Variants in CACNA1H observed in about 807,000 individuals in gnomAD.
CACNA1H encodes voltage-dependent T-type calcium channel subunit alpha-1H.
In CACNA1H, 149 loss-of-function variants were observed where a neutral mutation model predicts 192.5. The ratio of observed to expected loss-of-function variants is 0.77; its 90% CI spans 0.68 to 0.89. The LOEUF is 0.89. Ranked by LOEUF, CACNA1H falls within the 40% of genes least tolerant of loss-of-function variation. The pLI is 0.00. For missense variants in CACNA1H, 4,257 were observed against 3,423.5 expected, an observed-to-expected ratio of 1.24 and a Z score of -6.08; for synonymous variants, 2,202 against 1,475.2, an observed-to-expected ratio of 1.49 and a Z score of -11.29.
chr16:1,171,286 C>T (rs1006697907), intron 2 of CACNA1H, among the ~76,000 whole-genome samples: 21 of 152,132 alleles, frequency 1.4e-4, no homozygotes, highest in Admixed American at 1.2e-3. Flanking sequence ...GCGGGCTGGG[C>T]GTCTGGGGGG....
At chr16:1,203,960 G>A (rs751880254) in intron 9 of CACNA1H, 50 bp from the exon 10 acceptor site, 3 of 1,394,140 alleles carry the variant, frequency 2.2e-6, no homozygotes, top group Admixed American at 4.8e-5. Context: ...CCGGGCCCTT[G>A]TGGCAGCACC....
At chr16:1,201,553 A>G in intron 8 of CACNA1H, 110 bp from the exon 9 acceptor site, 1 of 1,330,604 alleles carries the variant, frequency 7.5e-7, no homozygotes, top group South Asian at 1.5e-5. Flanking sequence ...CACCTCGCCC[A>G]CTGTGCCTGT....
intron 26 of CACNA1H, among the ~76,000 whole-genome samples, chr16:1,212,973 G>A (rs931718752): frequency 1.3e-5 from 2 of 152,254 alleles, no homozygotes; most frequent in South Asian, 4.1e-4. Context: ...GTCCCCACCC[G>A]TGTGTGGTTC....
chr16:1,182,883 G>A (rs577631946), intron 2 of CACNA1H, among the ~76,000 whole-genome samples: 229 of 152,216 alleles, frequency 1.5e-3, no homozygotes, highest in Non-Finnish European at 2.2e-3. Context: ...GCTGAGTCCT[G>A]AGTCCTGGGC....
At chr16:1,170,506 T>G (rs954280420) in intron 2 of CACNA1H, among the ~76,000 whole-genome samples, 4 of 152,168 alleles carry the variant, frequency 2.6e-5, no homozygotes, top group African/African-American at 9.7e-5. Flanking sequence ...GTGAAAGACG[T>G]ACCCCGACAC....
intron 16 of CACNA1H, among the ~76,000 whole-genome samples, chr16:1,208,815 A>G (rs1036425263): frequency 6.6e-6 from 1 of 152,102 alleles, no homozygotes; most frequent in Non-Finnish European, 1.5e-5. Context: ...AGCAGAGCCC[A>G]GGGCATCACC....
rs928516560 is a variant in CACNA1H at position 1,175,358 on chromosome 16, G to A, written c.300-19614G>A. On this transcript the variant is annotated intron_variant, in intron 2 of 34. Coordinates refer to ENST00000348261, the MANE Select transcript of CACNA1H (RefSeq NM_021098.3). ...CTCACCTTCCCCGCAGGTCCCTTTG[G>A]TAGTTTTGCATTATACAGGCTGGTT... is the stretch of plus-strand genomic sequence containing the variant. 2.6e-5 allele frequency among the ~76,000 whole-genome samples: 4 copies of A among 152,178 alleles called. No individual in the cohort carries two copies. The East Asian group carries it at 5.8e-4, about 22-fold the overall frequency.
chr16:1,201,822 G>C lies in CACNA1H; in HGVS notation c.1372G>C (p.Glu458Gln). The change falls in exon 9 of 35, where the codon GAA becomes CAA. Residue 458 changes from glutamate to glutamine, a missense_variant. Transcript: ENST00000348261. ...ASFSEPGSCY[E>Q]ELLKYVGHIF... ...CTTCTCCGAGCCTGGCAGCTGCTACGAAGAGCTGCTGAAGTACGTGGGCCA... is the reference window on the plus strand; with the variant it reads ...CTTCTCCGAGCCTGGCAGCTGCTACCAAGAGCTGCTGAAGTACGTGGGCCA... 1 of 1,581,604 alleles carries C rather than the reference G, an allele frequency of 6.3e-7. No homozygotes were observed. The highest frequency in any genetic ancestry group is 1.2e-5 in the South Asian group (1 of 86,708).
intron 31 of CACNA1H, 102 bp downstream of exon 31, chr16:1,217,112 G>A (rs1596473656): frequency 1.9e-6 from 2 of 1,026,628 alleles, no homozygotes; most frequent in East Asian, 2.6e-5. Flanking sequence ...AATAGCGTGG[G>A]GCCTGATCAG....
At chr16:1,158,559 C>T (rs912163359) in intron 2 of CACNA1H, among the ~76,000 whole-genome samples, 1 of 152,310 alleles carries the variant, frequency 6.6e-6, no homozygotes, top group Non-Finnish European at 1.5e-5. Context: ...AGGAAGTGGG[C>T]GTGACGCCAG....
At chr16:1,218,155 G>A (rs2141393050) in intron 32 of CACNA1H, 55 bp from the exon 33 acceptor site, 1 of 1,534,666 alleles carries the variant, frequency 6.5e-7, no homozygotes, top group Non-Finnish European at 8.8e-7. Flanking sequence ...GGCACTGCCA[G>A]GGTGGCACCC....
intron 27 of CACNA1H, among the ~76,000 whole-genome samples, chr16:1,214,384 A>G (rs1969821958): frequency 6.6e-6 from 1 of 152,238 alleles, no homozygotes; most frequent in Non-Finnish European, 1.5e-5. Context: ...GAACAGACTC[A>G]GCTCTATGGA....
At chr16:1,198,905 C>G in intron 6 of CACNA1H, 131 bp downstream of exon 6, 1 of 822,176 alleles carries the variant, frequency 1.2e-6, no homozygotes, top group Non-Finnish European at 1.9e-6. Context: ...CCACTGCTGT[C>G]CCCGTCATGG....
intron 2 of CACNA1H, among the ~76,000 whole-genome samples, chr16:1,173,327 G>A (rs894067213): frequency 6.6e-6 from 1 of 152,146 alleles, no homozygotes; most frequent in African/African-American, 2.4e-5. Flanking sequence ...GGGGTAGTGG[G>A]ATGCCCTTCC....
intron 12 of CACNA1H, 72 bp downstream of exon 12, chr16:1,206,361 A>AC (rs1968708656): frequency 1.2e-5 from 17 of 1,439,664 alleles, no homozygotes; most frequent in East Asian, 2.5e-5. Context: ...GGCCCAGGGC[A>AC]CCCCCCGAAG....
chr16:1,210,628 T>G lies in CACNA1H; in HGVS notation c.4015T>G (p.Phe1339Val). 6.2e-7 allele frequency: 1 copy of G among 1,606,130 alleles called. No individual in the cohort carries two copies. The highest frequency in any genetic ancestry group is 8.5e-7 in the Non-Finnish European group (1 of 1,179,762). ...SVSNYIFTAI[F>V]VAEMMVKVVA... is the part of the protein sequence containing the mutation. The stretch of plus-strand genomic sequence containing the variant: ...CTCCAATTACATCTTCACGGCCATC[T>G]TCGTGGCGGAGATGATGGTGAAGGT... Residue 1339 changes from phenylalanine to valine, a missense_variant, in exon 20 of 35, where the codon TTC (phenylalanine) becomes GTC (valine). Physicochemically the swap from Phe to Val is conservative, Grantham distance 50. Transcript: ENST00000348261.
intron 2 of CACNA1H, among the ~76,000 whole-genome samples, chr16:1,156,694 A>G (rs748818706): frequency 6.6e-6 from 1 of 152,100 alleles, no homozygotes; most frequent in African/African-American, 2.4e-5. Flanking sequence ...CAGGGAACCC[A>G]CACTCAGTAA....
At chr16:1,199,555 A>G (rs1335101749) in intron 6 of CACNA1H, among the ~76,000 whole-genome samples, 1 of 135,658 alleles carries the variant, frequency 7.4e-6, no homozygotes, top group Non-Finnish European at 1.6e-5. Flanking sequence ...GGTTAGTCCC[A>G]ACACTTCATC....
rs539960911 is a variant in CACNA1H, at chr16:1,200,927, C to T, written c.1212+119C>T. ...CTGTCTTCCAGCTGAAGGGAGCACA[C>T]AGGGGAGGGAGGCAGAGCTTGCGGG... On this transcript the variant is annotated intron_variant, in intron 8 of 34. Coordinates refer to ENST00000348261, the MANE Select transcript of CACNA1H (RefSeq NM_021098.3). 2.1e-5 allele frequency: 15 copies of T among 706,696 alleles called. No individual in the cohort carries two copies. In the African/African-American group the frequency reaches 2.6e-4, roughly 12 times the overall value. The allele number at this position is 706,696 out of a possible 1,614,324, so 43.8% of individuals were successfully genotyped here. A position where few individuals can be genotyped will look rare whatever the true frequency, so the allele number is the denominator to read the frequency against.
Sources: allele counts gnomAD v4.1 joint callset (sites outside exome capture counted in the v4.1 genomes callset), GRCh38; gene constraint gnomAD v4.1.1; transcripts MANE v1.5; gene names NCBI Gene and HGNC (gene_info 2026-07-23, HGNC 2026-07-21).